SNTG2: variants seen among roughly 807,000 people sequenced by gnomAD.
SNTG2 encodes the protein gamma-2-syntrophin.
Under a neutral mutation model 70.9 loss-of-function variants are expected in SNTG2, and 74 were observed. The ratio of observed to expected loss-of-function variants is 1.04; its 90% CI spans 0.86 to 1.27. The LOEUF (loss-of-function observed/expected upper bound fraction) is 1.27, where lower values mean the gene tolerates loss of function less well. Among genes scored for constraint, SNTG2 ranks in the 50% most tolerant of loss-of-function variants. The probability of loss-of-function intolerance (pLI) is 0.00; values close to 1 mark genes in which losing one functional copy is unlikely to be tolerated. For synonymous variants in SNTG2, 278 were observed against 273.8 expected (o/e 1.02, Z -0.15); for missense variants, 717 against 690.7 (o/e 1.04, Z -0.43).
At position 990,441 on chromosome 2, in the gene SNTG2, G is replaced by A. The variant is rs530177030; in HGVS notation, c.72+39373G>A. ...GTGTCTGATGAGGGCCTGCTTCTGG[G>A]TTCACAGATGGCCCTTTCTCACTGT... On this transcript the variant is annotated intron_variant, in intron 1 of 16. Coordinates refer to ENST00000308624, the MANE Select transcript of SNTG2 (RefSeq NM_018968.4). Among the ~76,000 whole-genome samples, 4 of 152,306 alleles carry A rather than the reference G, an allele frequency of 2.6e-5. No homozygotes were observed. The East Asian group carries it at 7.7e-4, about 29-fold the overall frequency.
chr2:1,059,915 C>G (rs1662703379), intron 1 of SNTG2, among the ~76,000 whole-genome samples: 3 of 151,788 alleles, frequency 2.0e-5, no homozygotes. Flanking sequence ...TACAAAAGTT[C>G]AGTAGAATCA....
At chr2:993,070 CTT>C (rs59134628) in intron 1 of SNTG2, among the ~76,000 whole-genome samples, 11,526 of 140,352 alleles carry the variant, frequency 0.082, 564 homozygotes, top group South Asian at 0.2. Context: ...TTTGTGGGTT[CTT>C]TTTTTTTTTT....
chr2:1,188,112 C>T (rs1393338736), intron 8 of SNTG2, among the ~76,000 whole-genome samples: 5 of 152,214 alleles, frequency 3.3e-5, no homozygotes, highest in Non-Finnish European at 7.3e-5. Context: ...TAAGAAAAAA[C>T]AGACACAGCG....
Position 1,097,626 on chromosome 2 carries a change from A to G in SNTG2, c.211-570A>G, listed in dbSNP as rs1665481915. On this transcript the variant is annotated intron_variant, in intron 2 of 16. Coordinates refer to ENST00000308624, the MANE Select transcript of SNTG2 (RefSeq NM_018968.4). This position sits in a 1 kb window ranked among gnomAD's most constrained non-coding sequence, Gnocchi z 4.1. ...GAGATTTTTTACCATTTCACTAGCCAGTTAAAGGCCTATTGTGCTTTTAGC... is the reference window on the plus strand; with the variant it reads ...GAGATTTTTTACCATTTCACTAGCCGGTTAAAGGCCTATTGTGCTTTTAGC... Among the ~76,000 whole-genome samples, 1 of 152,170 alleles carries G rather than the reference A, an allele frequency of 6.6e-6. No homozygotes were observed. The highest frequency in any genetic ancestry group is 1.5e-5 in the Non-Finnish European group (1 of 68,028).
rs534325792 is a variant in SNTG2, at chr2:1,191,522, G to A, written c.592-17581G>A. The stretch of plus-strand genomic sequence containing the variant: ...GAAATGTTCTAATTTGTGGCTGGGC[G>A]TGGTGGCTCACACCTGTAATCCCAG... On this transcript the variant is annotated intron_variant, in intron 8 of 16. Transcript: ENST00000308624. Among the ~76,000 whole-genome samples, 297 of 152,272 alleles carry A rather than the reference G, an allele frequency of 2.0e-3. 2 individuals are homozygous for A. Among genetic ancestry groups the A allele is most frequent in the Middle Eastern group, 0.014 (4 of 294 alleles).
intron 1 of SNTG2, among the ~76,000 whole-genome samples, chr2:1,015,765 T>G (rs1275066157): frequency 6.6e-6 from 1 of 152,214 alleles, no homozygotes; most frequent in Non-Finnish European, 1.5e-5. Flanking sequence ...GAGGATCAGT[T>G]CTCTAGAAGA....
At chr2:1,058,542 T>C (rs11690548) in intron 1 of SNTG2, among the ~76,000 whole-genome samples, 62,727 of 152,070 alleles carry the variant, frequency 0.41, 13,655 homozygotes, top group East Asian at 0.77. Context: ...TACCTGTTAC[T>C]GCATAGATGC....
chr2:1,314,059 C>T (rs979878057), intron 15 of SNTG2, among the ~76,000 whole-genome samples: 1 of 152,118 alleles, frequency 6.6e-6, no homozygotes, highest in African/African-American at 2.4e-5. Context: ...GATATTTTTG[C>T]ACTTTTTGTA....
rs147256381 is a variant in SNTG2, at chr2:1,213,571, G to C, written c.719+4341G>C. ...GGTTGGGGAGACTGGAGTCTGTGCT[G>C]GAAGCTCAGGGCTCAAGCTGGGCAA... On this transcript the variant is annotated intron_variant, in intron 9 of 16. Coordinates refer to ENST00000308624, the MANE Select transcript of SNTG2 (RefSeq NM_018968.4). Among the ~76,000 whole-genome samples the C allele has an allele frequency of 1.5e-3, 236 of 152,324 alleles. 2 individuals are homozygous for C. The highest frequency in any genetic ancestry group is 5.4e-3 in the African/African-American group (224 of 41,566).
chr2:1,296,444 G>T (rs919963341), intron 14 of SNTG2, among the ~76,000 whole-genome samples: 1 of 152,256 alleles, frequency 6.6e-6, no homozygotes, highest in Admixed American at 6.5e-5. Flanking sequence ...CTCTGTGCTG[G>T]TGAGCACGCC....
intron 16 of SNTG2, among the ~76,000 whole-genome samples, chr2:1,342,200 T>G (rs942827066): frequency 6.6e-6 from 1 of 151,220 alleles, no homozygotes; most frequent in African/African-American, 2.4e-5. Context: ...AAGGCCGGTT[T>G]CTTGCTTCTG....
intron 4 of SNTG2, among the ~76,000 whole-genome samples, chr2:1,105,845 G>A (rs888133941): frequency 2.2e-4 from 34 of 152,312 alleles, no homozygotes; most frequent in African/African-American, 7.7e-4. Flanking sequence ...GGCACAGGAT[G>A]GCACCCCAAG....
intron 13 of SNTG2, among the ~76,000 whole-genome samples, chr2:1,263,841 G>A (rs939851128): frequency 2.0e-5 from 3 of 152,178 alleles, no homozygotes; most frequent in African/African-American, 7.2e-5. Flanking sequence ...CTGAGAGAGT[G>A]AATTGCTCAA....
At chr2:1,288,299 G>A (rs1336465043) in intron 14 of SNTG2, among the ~76,000 whole-genome samples, 1 of 152,174 alleles carries the variant, frequency 6.6e-6, no homozygotes, top group East Asian at 1.9e-4. Context: ...TGTGTTTCTG[G>A]TTGTCTCATT....
intron 4 of SNTG2, among the ~76,000 whole-genome samples, chr2:1,106,387 C>T (rs375635799): frequency 4.2e-5 from 5 of 118,412 alleles, no homozygotes; most frequent in African/African-American, 1.3e-4. Context: ...ATAGTGGATG[C>T]GTGCTGTCAC....
intron 8 of SNTG2, among the ~76,000 whole-genome samples, chr2:1,200,551 C>T (rs541392818): frequency 9.2e-5 from 14 of 151,982 alleles, no homozygotes; most frequent in African/African-American, 3.4e-4. Context: ...AAAGCTTCTG[C>T]ACAACAAAGG....
At chr2:1,329,072 C>A (rs1031100806) in intron 16 of SNTG2, among the ~76,000 whole-genome samples, 2 of 152,228 alleles carry the variant, frequency 1.3e-5, no homozygotes, top group Middle Eastern at 6.8e-3. Flanking sequence ...GGGCAATTAG[C>A]AAACATTCCT....
intron 1 of SNTG2, among the ~76,000 whole-genome samples, chr2:968,257 C>T (rs1660633324): frequency 6.6e-6 from 1 of 151,860 alleles, no homozygotes; most frequent in African/African-American, 2.4e-5. Context: ...GTAATGAAAT[C>T]CTTTGATAAA....
chr2:1,078,974 A>G (rs1342267288), intron 1 of SNTG2, among the ~76,000 whole-genome samples: 1 of 152,136 alleles, frequency 6.6e-6, no homozygotes, highest in Non-Finnish European at 1.5e-5. Flanking sequence ...GTTTTTAAAT[A>G]TTTTTATTTG....
Sources: allele counts gnomAD v4.1 joint callset (sites outside exome capture counted in the v4.1 genomes callset), GRCh38; gene constraint gnomAD v4.1.1; non-coding constraint Gnocchi (gnomAD v3.1); transcripts MANE v1.5; gene names NCBI Gene and HGNC (gene_info 2026-07-23, HGNC 2026-07-21).